The following OR1J2 variants were observed in gnomAD, a reference collection of about 807,000 sequenced individuals.
OR1J2 encodes olfactory receptor family 1 subfamily J member 2, also known as olfactory receptor 1J2.
For synonymous variants in OR1J2, 142 were observed against 99.7 expected, an observed-to-expected ratio of 1.42 and a Z score of -2.52; for missense variants, 304 against 246.1, an observed-to-expected ratio of 1.24 and a Z score of -1.57.
chr9:122,500,795 G>A, the OR1J2 span, among the ~76,000 whole-genome samples: 1 of 152,120 alleles, frequency 6.6e-6, no homozygotes, highest in African/African-American at 2.4e-5. Flanking sequence ...TGATGGTATA[G>A]GCTTTGACTT....
At chr9:122,473,569 G>A in the OR1J2 span, among the ~76,000 whole-genome samples, 2 of 152,106 alleles carry the variant, frequency 1.3e-5, no homozygotes, top group East Asian at 3.8e-4. Context: ...TACTTTTGTG[G>A]GTGGGATATG....
At chr9:122,481,041 G>A in the OR1J2 span, among the ~76,000 whole-genome samples, 5 of 151,998 alleles carry the variant, frequency 3.3e-5, no homozygotes, top group South Asian at 2.1e-4. Flanking sequence ...TGATCTGCCC[G>A]CCTCGGCCTC....
chr9:122,491,630 G>T, the OR1J2 span, among the ~76,000 whole-genome samples: 1 of 152,132 alleles, frequency 6.6e-6, no homozygotes, highest in Non-Finnish European at 1.5e-5. Flanking sequence ...ACCATTCATT[G>T]GATTTAGTAA....
chr9:122,560,731 C>A, the OR1J2 span, among the ~76,000 whole-genome samples: 1 of 152,136 alleles, frequency 6.6e-6, no homozygotes, highest in Non-Finnish European at 1.5e-5. Flanking sequence ...TGTAGGTGAC[C>A]AAGCCTTTCT....
At chr9:122,562,809 C>T in the OR1J2 span, among the ~76,000 whole-genome samples, 1 of 151,928 alleles carries the variant, frequency 6.6e-6, no homozygotes, top group South Asian at 2.1e-4. Context: ...AACATAATGT[C>T]GACTAGGTTC....
At chr9:122,497,502 G>A in the OR1J2 span, among the ~76,000 whole-genome samples, 1 of 152,122 alleles carries the variant, frequency 6.6e-6, no homozygotes, top group Non-Finnish European at 1.5e-5. Context: ...ATTTATGTGG[G>A]ATTAGTTGTA....
the OR1J2 span, among the ~76,000 whole-genome samples, chr9:122,461,072 A>T: frequency 6.6e-6 from 1 of 152,192 alleles, no homozygotes; most frequent in South Asian, 2.1e-4. Flanking sequence ...TGATAGTTTG[A>T]CTTCCTCTTT....
chr9:122,547,535 C>G, the OR1J2 span, among the ~76,000 whole-genome samples: 1 of 151,976 alleles, frequency 6.6e-6, no homozygotes, highest in Non-Finnish European at 1.5e-5. Flanking sequence ...CCCCTCCCAC[C>G]TTCCCATCCT....
the OR1J2 span, among the ~76,000 whole-genome samples, chr9:122,536,515 C>A: frequency 5.9e-5 from 9 of 152,306 alleles, no homozygotes; most frequent in South Asian, 1.9e-3. Context: ...GATGCACCAG[C>A]GATGACCAAC....
At chr9:122,487,134 A>G in the OR1J2 span, among the ~76,000 whole-genome samples, 1 of 152,214 alleles carries the variant, frequency 6.6e-6, no homozygotes, top group African/African-American at 2.4e-5. Context: ...TGAAAAGAAT[A>G]TGTAGTCAAT....
At chr9:122,527,377 C>T in the OR1J2 span, 1 of 750,262 alleles carries the variant, frequency 1.3e-6, no homozygotes, top group Non-Finnish European at 2.2e-6. Context: ...CCCAAATCTC[C>T]CTTTAAGTTC....
chr9:122,537,102 G>A, the OR1J2 span, among the ~76,000 whole-genome samples: 24 of 152,290 alleles, frequency 1.6e-4, no homozygotes, highest in East Asian at 4.2e-3. Flanking sequence ...CTTAAAATCC[G>A]AGCTCCCCAA....
the OR1J2 span, among the ~76,000 whole-genome samples, chr9:122,579,710 AG>A: frequency 6.6e-6 from 1 of 152,226 alleles, no homozygotes; most frequent in African/African-American, 2.4e-5. Context: ...TTCAGGATTA[AG>A]TCTACATTTT....
the OR1J2 span, among the ~76,000 whole-genome samples, chr9:122,572,050 G>T: frequency 6.6e-6 from 1 of 152,314 alleles, no homozygotes; most frequent in East Asian, 1.9e-4. Context: ...GCCGGAGCAG[G>T]CATCTTACAT....
At chr9:122,554,448 G>A in the OR1J2 span, among the ~76,000 whole-genome samples, 2 of 152,150 alleles carry the variant, frequency 1.3e-5, no homozygotes, top group African/African-American at 4.8e-5. Context: ...TAGTGAACAA[G>A]GCATTTGTTA....
chr9:122,542,083 C>T, the OR1J2 span, among the ~76,000 whole-genome samples: 1 of 152,194 alleles, frequency 6.6e-6, no homozygotes, highest in Non-Finnish European at 1.5e-5. Flanking sequence ...AGGAATTACA[C>T]TGCAGAACTC....
chr9:122,500,239 C>T, the OR1J2 span, among the ~76,000 whole-genome samples: 2 of 152,270 alleles, frequency 1.3e-5, no homozygotes, highest in East Asian at 3.9e-4. Flanking sequence ...CAAGCTTCTC[C>T]CCAAGTTAAC....
the OR1J2 span, among the ~76,000 whole-genome samples, chr9:122,453,541 G>C: frequency 1.3e-5 from 2 of 152,172 alleles, no homozygotes; most frequent in Non-Finnish European, 2.9e-5. Context: ...CATCTAAAAA[G>C]TACTGTGTCC....
the OR1J2 span, among the ~76,000 whole-genome samples, chr9:122,520,440 C>T: frequency 1.8e-4 from 27 of 152,174 alleles, no homozygotes; most frequent in Non-Finnish European, 3.7e-4. Context: ...ATTTCCCTTT[C>T]TTTCTTCCCA....
Sources: allele counts gnomAD v4.1 joint callset (sites outside exome capture counted in the v4.1 genomes callset), GRCh38; gene constraint gnomAD v4.1.1; transcripts MANE v1.5; gene names NCBI Gene and HGNC (gene_info 2026-07-23, HGNC 2026-07-21).